The following SUCLG2 variants were observed in gnomAD, a reference collection of about 807,000 sequenced individuals.
SUCLG2 encodes succinate--CoA ligase [GDP-forming] subunit beta, mitochondrial.
A neutral mutation model predicts 47.9 loss-of-function variants in SUCLG2; 42 were observed. The ratio of observed to expected loss-of-function variants is 0.88; its 90% CI spans 0.69 to 1.14. The LOEUF (loss-of-function observed/expected upper bound fraction) is 1.14, where lower values mean the gene tolerates loss of function less well. SUCLG2 is among the 50% of genes most tolerant of loss of function. The pLI is 0.00. For synonymous variants in SUCLG2, 195 were observed against 197.3 expected (o/e 0.99, Z 0.10); for missense variants, 571 against 525.9 (o/e 1.09, Z -0.84).
rs1275582187 is a variant in SUCLG2 at position 67,474,393 on chromosome 3, T to A, written c.1062+21405A>T. 7.2e-5 allele frequency among the ~76,000 whole-genome samples: 11 copies of A among 152,262 alleles called. No individual in the cohort carries two copies. The East Asian group carries it at 1.9e-3, about 27-fold the overall frequency. ...CAAAATAATGCCCCCAAATGAAGCT[T>A]ATTTGCTACTTTTTCGCCGGTCTCA... On this transcript the variant is annotated intron_variant, in intron 9 of 10. Coordinates refer to ENST00000307227, the MANE Select transcript of SUCLG2 (RefSeq NM_003848.4).
At chr3:67,575,641 T>C (rs193146806) in intron 2 of SUCLG2, among the ~76,000 whole-genome samples, 29 of 152,292 alleles carry the variant, frequency 1.9e-4, no homozygotes, top group African/African-American at 6.3e-4. Flanking sequence ...AATCACTGAA[T>C]TATACACTTG....
At chr3:67,432,188 T>G (rs1203140172) in intron 9 of SUCLG2, among the ~76,000 whole-genome samples, 1 of 152,220 alleles carries the variant, frequency 6.6e-6, no homozygotes, top group African/African-American at 2.4e-5. Context: ...ACAACCAGCA[T>G]CTTTACTTTT....
At chr3:67,476,043 A>C (rs908780848) in intron 9 of SUCLG2, among the ~76,000 whole-genome samples, 1 of 151,714 alleles carries the variant, frequency 6.6e-6, no homozygotes, top group African/African-American at 2.4e-5. Flanking sequence ...CAATTTAATA[A>C]AATTTCAATG....
chr3:67,489,760 T>C (rs1367925274), intron 9 of SUCLG2, among the ~76,000 whole-genome samples: 3 of 152,178 alleles, frequency 2.0e-5, no homozygotes, highest in African/African-American at 4.8e-5. Context: ...TAAATTAAAA[T>C]GGACACCAGA....
At chr3:67,543,599 C>T (rs1017381791) in intron 2 of SUCLG2, among the ~76,000 whole-genome samples, 5 of 152,028 alleles carry the variant, frequency 3.3e-5, no homozygotes, top group Admixed American at 6.6e-5. Flanking sequence ...CAGGAGGTTG[C>T]GGCTGCAGTG....
At chr3:67,607,219 C>T (rs1020375814) in intron 2 of SUCLG2, among the ~76,000 whole-genome samples, 1 of 152,110 alleles carries the variant, frequency 6.6e-6, no homozygotes, top group Non-Finnish European at 1.5e-5. Context: ...TAGCCACTAG[C>T]CACATCAGTC....
intron 9 of SUCLG2, among the ~76,000 whole-genome samples, chr3:67,461,349 G>C (rs758838158): frequency 6.6e-5 from 10 of 152,006 alleles, no homozygotes; most frequent in Non-Finnish European, 7.4e-5. Flanking sequence ...TGAAAGTATA[G>C]ATTATATATT....
chr3:67,574,432 G>A (rs1707692444), intron 2 of SUCLG2, among the ~76,000 whole-genome samples: 1 of 152,194 alleles, frequency 6.6e-6, no homozygotes, highest in African/African-American at 2.4e-5. Flanking sequence ...TACATTTATA[G>A]TCAATTGATT....
intron 1 of SUCLG2, among the ~76,000 whole-genome samples, chr3:67,630,993 G>C (rs1032720539): frequency 6.6e-6 from 1 of 152,170 alleles, no homozygotes; most frequent in Non-Finnish European, 1.5e-5. Flanking sequence ...AAAGTTTGCA[G>C]ACCAATGTCC....
intron 10 of SUCLG2, among the ~76,000 whole-genome samples, chr3:67,377,199 C>T (rs984519428): frequency 5.9e-5 from 9 of 152,134 alleles, no homozygotes; most frequent in Admixed American, 2.0e-4. Context: ...GTCACAGAGG[C>T]GGTAAGTGTC....
intron 8 of SUCLG2, among the ~76,000 whole-genome samples, chr3:67,497,742 G>A (rs1020780198): frequency 4.6e-5 from 7 of 152,132 alleles, no homozygotes; most frequent in African/African-American, 1.7e-4. Context: ...ATATTTCTCA[G>A]TTGGGGTGAT....
At chr3:67,585,424 G>A (rs1036395826) in intron 2 of SUCLG2, among the ~76,000 whole-genome samples, 2 of 152,172 alleles carry the variant, frequency 1.3e-5, no homozygotes, top group African/African-American at 4.8e-5. Context: ...GTGCTCCAAT[G>A]GGATAAGGGA....
intron 1 of SUCLG2, among the ~76,000 whole-genome samples, chr3:67,615,496 C>T (rs1309087068): frequency 6.6e-6 from 1 of 151,974 alleles, no homozygotes; most frequent in Non-Finnish European, 1.5e-5. Flanking sequence ...GGGAAGGCAG[C>T]ATAAAGCAGT....
At chr3:67,532,622 G>A (rs987975318) in intron 2 of SUCLG2, among the ~76,000 whole-genome samples, 13 of 151,982 alleles carry the variant, frequency 8.6e-5, no homozygotes, top group Non-Finnish European at 1.9e-4. Flanking sequence ...CAGTACTCAT[G>A]GTTAGGTTTT....
At chr3:67,518,938 T>G (rs1706023647) in intron 5 of SUCLG2, among the ~76,000 whole-genome samples, 1 of 152,178 alleles carries the variant, frequency 6.6e-6, no homozygotes, top group African/African-American at 2.4e-5. Flanking sequence ...TCAATTCAGT[T>G]TCCAAGGTAA....
At chr3:67,399,297 A>T (rs1702629994) in intron 10 of SUCLG2, among the ~76,000 whole-genome samples, 1 of 152,178 alleles carries the variant, frequency 6.6e-6, no homozygotes, top group Admixed American at 6.5e-5. Flanking sequence ...AGCATCTTGA[A>T]CTGTTCTGAG....
intron 10 of SUCLG2, among the ~76,000 whole-genome samples, chr3:67,392,064 C>T (rs958577801): frequency 6.6e-6 from 1 of 152,022 alleles, no homozygotes; most frequent in Non-Finnish European, 1.5e-5. Context: ...TCTCATTGTC[C>T]TTTCTCTTCT....
At chr3:67,600,016 A>G (rs1559590355) in intron 2 of SUCLG2, among the ~76,000 whole-genome samples, 1 of 152,258 alleles carries the variant, frequency 6.6e-6, no homozygotes. Context: ...CTTGGGGAAT[A>G]GTGTAGCATC....
intron 2 of SUCLG2, among the ~76,000 whole-genome samples, chr3:67,558,758 T>C (rs1707227598): frequency 2.0e-5 from 3 of 152,144 alleles, no homozygotes; most frequent in African/African-American, 7.2e-5. Context: ...TAAGCAATAA[T>C]GTAACTGTCC....
Sources: gnomAD v4.1 joint callset for allele counts (sites outside exome capture counted in the v4.1 genomes callset) on GRCh38, gnomAD v4.1.1 for gene constraint, MANE v1.5 for transcripts, NCBI Gene and HGNC (gene_info 2026-07-23, HGNC 2026-07-21) for gene names.